The following CDH18 variants were observed in gnomAD, a reference collection of about 807,000 sequenced individuals.
CDH18 encodes cadherin-18.
In CDH18, 31 loss-of-function variants were observed where a neutral mutation model predicts 67.9. That is an observed-to-expected ratio of 0.46 (90% CI 0.34 to 0.62). The LOEUF is 0.62. CDH18 is among the 20% of genes least tolerant of loss of function. The pLI is 0.01. For missense variants in CDH18, 890 were observed against 975.5 expected (o/e 0.91, Z 1.17); for synonymous variants, 362 against 347.2 (o/e 1.04, Z -0.48).
At chr5:20,160,188 T>C (rs1751865003) in intron 2 of CDH18, among the ~76,000 whole-genome samples, 1 of 152,352 alleles carries the variant, frequency 6.6e-6, no homozygotes, top group Non-Finnish European at 1.5e-5. Context: ...AGTTACATAC[T>C]AATACTTGGC....
At chr5:20,435,520 T>G (rs755184363) in intron 1 of CDH18, among the ~76,000 whole-genome samples, 1 of 151,972 alleles carries the variant, frequency 6.6e-6, no homozygotes, top group African/African-American at 2.4e-5. Context: ...ACCTCAATTG[T>G]GGGTAAGGCA....
At chr5:20,170,137 C>A (rs1169480548) in intron 2 of CDH18, among the ~76,000 whole-genome samples, 1 of 151,878 alleles carries the variant, frequency 6.6e-6, no homozygotes, top group Non-Finnish European at 1.5e-5. Context: ...GGTATTAAGA[C>A]CCTCATGCAT....
intron 5 of CDH18, among the ~76,000 whole-genome samples, chr5:19,664,930 G>A (rs1304856787): frequency 2.0e-5 from 3 of 151,824 alleles, no homozygotes; most frequent in East Asian, 3.9e-4. Context: ...GTAGAGTTGC[G>A]GACTTCATGA....
At chr5:19,515,220 C>T (rs1745783292) in intron 10 of CDH18, among the ~76,000 whole-genome samples, 1 of 152,106 alleles carries the variant, frequency 6.6e-6, no homozygotes, top group Non-Finnish European at 1.5e-5. Flanking sequence ...TGTTTTGGTA[C>T]CAGTACCATG....
chr5:20,221,678 C>T (rs1044114353), intron 2 of CDH18, among the ~76,000 whole-genome samples: 1 of 152,004 alleles, frequency 6.6e-6, no homozygotes, highest in Admixed American at 6.6e-5. Context: ...ACCCAATTTA[C>T]CTAATGTGAT....
chr5:19,769,853 T>A (rs1031194393), intron 3 of CDH18, among the ~76,000 whole-genome samples: 1 of 151,766 alleles, frequency 6.6e-6, no homozygotes, highest in Admixed American at 6.6e-5. Context: ...CTGATAAGGA[T>A]CTAGTATCTA....
intron 1 of CDH18, among the ~76,000 whole-genome samples, chr5:20,466,161 A>G (rs1167862814): frequency 6.6e-6 from 1 of 152,024 alleles, no homozygotes; most frequent in Non-Finnish European, 1.5e-5. Context: ...TTTCCTAATC[A>G]TGCTTAGAAA....
At chr5:20,440,803 G>A (rs904615060) in intron 1 of CDH18, among the ~76,000 whole-genome samples, 3 of 151,974 alleles carry the variant, frequency 2.0e-5, no homozygotes, top group Admixed American at 2.0e-4. Context: ...AGCATTGCTA[G>A]GCACCCTGCC....
chr5:20,298,724 C>T (rs1747729435), intron 1 of CDH18, among the ~76,000 whole-genome samples: 1 of 151,888 alleles, frequency 6.6e-6, no homozygotes, highest in Non-Finnish European at 1.5e-5. Flanking sequence ...AAACATATGT[C>T]CTAAACTCTG....
intron 1 of CDH18, among the ~76,000 whole-genome samples, chr5:20,460,574 A>G (rs1751192780): frequency 6.6e-6 from 1 of 151,644 alleles, no homozygotes. Context: ...GGTGATATGA[A>G]AAATAATATA....
At chr5:19,672,845 T>C (rs898295136) in intron 5 of CDH18, among the ~76,000 whole-genome samples, 15 of 152,050 alleles carry the variant, frequency 9.9e-5, no homozygotes, top group Non-Finnish European at 2.1e-4. Context: ...GATGATAGTG[T>C]TTGTTTTCCA....
chr5:19,474,936 C>A (rs7728177), intron 12 of CDH18, among the ~76,000 whole-genome samples: 2,044 of 152,046 alleles, frequency 0.013, 49 homozygotes, highest in African/African-American at 0.047. Context: ...GAAATAGTTC[C>A]CTCACATCAA....
intron 1 of CDH18, among the ~76,000 whole-genome samples, chr5:20,275,082 A>G (rs1561931165): frequency 6.7e-6 from 1 of 150,352 alleles, no homozygotes; most frequent in African/African-American, 2.4e-5. Context: ...AAAGCTAAAG[A>G]TTTTTTTTTT....
At chr5:19,736,899 C>T (rs1368378217) in intron 4 of CDH18, among the ~76,000 whole-genome samples, 1 of 152,132 alleles carries the variant, frequency 6.6e-6, no homozygotes, top group Non-Finnish European at 1.5e-5. Flanking sequence ...AGTATGAGTA[C>T]AAGAAAATTT....
intron 1 of CDH18, among the ~76,000 whole-genome samples, chr5:20,389,381 C>T (rs1220949863): frequency 6.6e-6 from 1 of 152,000 alleles, no homozygotes; most frequent in Non-Finnish European, 1.5e-5. Context: ...CAACACCTGC[C>T]TTTTTTTGTT....
intron 4 of CDH18, among the ~76,000 whole-genome samples, chr5:19,743,270 C>G (rs925173017): frequency 2.6e-5 from 4 of 152,292 alleles, no homozygotes; most frequent in African/African-American, 9.6e-5. Context: ...GTAGGGCTGG[C>G]AGAACACTAA....
intron 1 of CDH18, among the ~76,000 whole-genome samples, chr5:20,263,989 A>C (rs1744851431): frequency 2.0e-5 from 3 of 152,156 alleles, no homozygotes; most frequent in African/African-American, 7.2e-5. Flanking sequence ...TATTCTACTC[A>C]TACATAGTCA....
intron 1 of CDH18, among the ~76,000 whole-genome samples, chr5:20,363,435 A>G (rs999680926): frequency 1.3e-4 from 20 of 149,280 alleles, no homozygotes; most frequent in African/African-American, 4.7e-4. Flanking sequence ...CAGCGAGCTG[A>G]AACTGCACCC....
At chr5:19,724,808 C>T (rs1469968768) in intron 4 of CDH18, among the ~76,000 whole-genome samples, 1 of 152,144 alleles carries the variant, frequency 6.6e-6, no homozygotes, top group Non-Finnish European at 1.5e-5. Context: ...TCTCAATATA[C>T]CGCTAACCTT....
Sources: allele counts gnomAD v4.1 joint callset (sites outside exome capture counted in the v4.1 genomes callset), GRCh38; gene constraint gnomAD v4.1.1; transcripts MANE v1.5; gene names NCBI Gene and HGNC (gene_info 2026-07-23, HGNC 2026-07-21).